The following SPAG6 variants were observed in gnomAD, a reference collection of about 807,000 sequenced individuals.
The protein encoded by SPAG6 is sperm associated antigen 6, also known as sperm-associated antigen 6.
In SPAG6, 49 loss-of-function variants were observed where a neutral mutation model predicts 58.5. The ratio of observed to expected loss-of-function variants is 0.84; its 90% CI spans 0.67 to 1.06. The LOEUF (loss-of-function observed/expected upper bound fraction) is 1.06, where lower values mean the gene tolerates loss of function less well. Among genes scored for constraint, SPAG6 ranks in the 50% least tolerant of loss-of-function variants. The pLI, the probability that SPAG6 is intolerant of heterozygous loss-of-function variation, is 0.00. For synonymous variants in SPAG6, 233 were observed against 225.6 expected (o/e 1.03, Z -0.29); for missense variants, 560 against 611.3 (o/e 0.92, Z 0.89).
At chr10:22,381,528 T>C (rs935926974) in intron 4 of SPAG6, among the ~76,000 whole-genome samples, 7 of 151,104 alleles carry the variant, frequency 4.6e-5, no homozygotes, top group Non-Finnish European at 1.5e-5. Flanking sequence ...TTTTTTTTTT[T>C]AAATGTCCTC....
Position 22,349,038 on chromosome 10 carries a change from G to A in SPAG6, c.121+3220G>A, listed in dbSNP as rs184014511. ...TTGTTTTGTTTTTTTAATAGAGAAG[G>A]GTTTTCACCATGTTTAGCCAGGCTG... On this transcript the variant is annotated intron_variant, in intron 2 of 10. Transcript: ENST00000376624. Among the ~76,000 whole-genome samples the A allele has an allele frequency of 2.6e-3, 400 of 151,992 alleles. 4 individuals carry two copies. Among genetic ancestry groups the A allele is most frequent in the African/African-American group, 9.4e-3 (389 of 41,444 alleles).
chr10:22,369,013 A>G (rs545151234), intron 4 of SPAG6, among the ~76,000 whole-genome samples: 38 of 152,282 alleles, frequency 2.5e-4, no homozygotes, highest in African/African-American at 8.7e-4. Flanking sequence ...TGGTTTTGCC[A>G]TTAATGGCAA....
chr10:22,391,636 C>A, intron 7 of SPAG6, 93 bp from the exon 8 acceptor site: 1 of 1,134,514 alleles, frequency 8.8e-7, no homozygotes, highest in Non-Finnish European at 1.3e-6. Flanking sequence ...AGGATCAAGG[C>A]CGAAGTGATT....
At chr10:22,354,527 G>A (rs537699511) in intron 2 of SPAG6, among the ~76,000 whole-genome samples, 33 of 152,272 alleles carry the variant, frequency 2.2e-4, no homozygotes, top group Admixed American at 2.2e-3. Flanking sequence ...TTGGATATGT[G>A]GAACTAACAT....
rs1472378239 is a variant in SPAG6, at chr10:22,345,572, C to G, written c.-40C>G. Reference sequence around the variant, plus strand: ...GTGGACTCGCAGGCCGAGCGGCTTCCCCGCAGAGCTCGAGGAGGGCAGACG... The same window carrying G: ...GTGGACTCGCAGGCCGAGCGGCTTCGCCGCAGAGCTCGAGGAGGGCAGACG... On this transcript the variant is annotated 5_prime_UTR_variant, in exon 1 of 11. Transcript: ENST00000376624. The surrounding 1 kb of genome is among the most constrained non-coding windows in gnomAD (Gnocchi z 6.3). The G allele has an allele frequency of 2.6e-6, 4 of 1,509,652 alleles. No homozygotes were observed. The highest frequency in any genetic ancestry group is 3.6e-6 in the Non-Finnish European group (4 of 1,126,612). The allele number at this position is 1,509,652 out of a possible 1,614,324, so 93.5% of individuals were successfully genotyped here. A position where few individuals can be genotyped will look rare whatever the true frequency, so the allele number is the denominator to read the frequency against.
chr10:22,411,196 A>G lies in SPAG6; in HGVS notation c.1460+20A>G. On this transcript the variant is annotated intron_variant, in intron 10 of 10. Coordinates refer to ENST00000376624, the MANE Select transcript of SPAG6 (RefSeq NM_012443.4). ...AGTGAGGTGGGGAAAATGGACTTTG[A>G]AACGTTCAATATTAGAATGTAGTTT... 1 of 1,591,944 alleles carries G rather than the reference A, an allele frequency of 6.3e-7. No individual in the cohort carries two copies. Among genetic ancestry groups the G allele is most frequent in the Non-Finnish European group, 8.6e-7 (1 of 1,168,806 alleles).
intron 8 of SPAG6, among the ~76,000 whole-genome samples, chr10:22,397,703 A>G (rs577572604): frequency 1.3e-5 from 2 of 152,204 alleles, no homozygotes; most frequent in African/African-American, 4.8e-5. Flanking sequence ...ATCAAGCATT[A>G]AATACATATA....
intron 10 of SPAG6, among the ~76,000 whole-genome samples, chr10:22,414,393 G>C (rs769069784): frequency 6.6e-6 from 1 of 152,098 alleles, no homozygotes; most frequent in Admixed American, 6.5e-5. Flanking sequence ...GAAGGAGTAC[G>C]CTAAGAGCTC....
In SPAG6 at chr10:22,391,668, T is replaced by A. The variant is rs1041106233; in HGVS notation, c.1006-61T>A. 6 of 1,458,814 alleles carry A rather than the reference T, an allele frequency of 4.1e-6. No individual in the cohort carries two copies. The Admixed American group carries it at 6.0e-5, about 15-fold the overall frequency. The allele number at this position is 1,458,814 out of a possible 1,614,324, so 90.4% of individuals were successfully genotyped here. On this transcript the variant is annotated intron_variant, in intron 7 of 10. Transcript: ENST00000376624. Reference sequence around the variant, plus strand: ...GATTTCTTCTCATGTTTGAGAGACATGGAAGACTCTTTAATCCTGCTCTAG... The same window carrying A: ...GATTTCTTCTCATGTTTGAGAGACAAGGAAGACTCTTTAATCCTGCTCTAG...
chr10:22,394,987 G>A (rs564352660), intron 8 of SPAG6, among the ~76,000 whole-genome samples: 1 of 152,258 alleles, frequency 6.6e-6, no homozygotes, highest in African/African-American at 2.4e-5. Flanking sequence ...TGGGATAAGA[G>A]GTGTGAGCCA....
At chr10:22,357,076 C>T (rs1836890565) in intron 2 of SPAG6, among the ~76,000 whole-genome samples, 1 of 152,048 alleles carries the variant, frequency 6.6e-6, no homozygotes, top group African/African-American at 2.4e-5. Flanking sequence ...ACTCTTTTTG[C>T]TCTTTGTTTA....
chr10:22,403,135 A>T (rs547689157), intron 9 of SPAG6, among the ~76,000 whole-genome samples: 30 of 151,532 alleles, frequency 2.0e-4, no homozygotes, highest in Non-Finnish European at 2.7e-4. Context: ...TTTTTTTTTT[A>T]AATTTATTAT....
intron 9 of SPAG6, among the ~76,000 whole-genome samples, chr10:22,402,603 T>C (rs1023300657): frequency 2.0e-5 from 3 of 152,152 alleles, no homozygotes; most frequent in Non-Finnish European, 2.9e-5. Context: ...CAGGATACAG[T>C]TCTGTGTATC....
intron 4 of SPAG6, among the ~76,000 whole-genome samples, chr10:22,373,278 T>C (rs1833743068): frequency 6.6e-6 from 1 of 152,122 alleles, no homozygotes; most frequent in Non-Finnish European, 1.5e-5. Context: ...GTAAGCAAGG[T>C]CTCAAGATGA....
chr10:22,395,993 A>G (rs910669796), intron 8 of SPAG6, among the ~76,000 whole-genome samples: 2 of 152,304 alleles, frequency 1.3e-5, no homozygotes, highest in African/African-American at 4.8e-5. Flanking sequence ...AGTTTAATTG[A>G]CTCACAGTTC....
At chr10:22,362,217 A>G (rs899064348) in intron 2 of SPAG6, among the ~76,000 whole-genome samples, 10 of 147,768 alleles carry the variant, frequency 6.8e-5, no homozygotes, top group Non-Finnish European at 1.3e-4. Flanking sequence ...ATATATGTAT[A>G]TATGTATATA....
intron 4 of SPAG6, among the ~76,000 whole-genome samples, chr10:22,371,494 C>T (rs1203427373): frequency 1.3e-5 from 2 of 152,132 alleles, no homozygotes; most frequent in Admixed American, 6.5e-5. Flanking sequence ...CCTTGTAATC[C>T]GCCCGCCTCG....
intron 6 of SPAG6, among the ~76,000 whole-genome samples, chr10:22,388,338 CAG>C: frequency 6.6e-6 from 1 of 152,234 alleles, no homozygotes; most frequent in Non-Finnish European, 1.5e-5. Context: ...GTTATATTAG[CAG>C]AGTTTGAGCT....
chr10:22,378,355 C>T (rs1010469795), intron 4 of SPAG6, among the ~76,000 whole-genome samples: 2 of 150,916 alleles, frequency 1.3e-5, no homozygotes, highest in Non-Finnish European at 2.9e-5. Context: ...TGAGCCAGTG[C>T]GTCTGGCCAT....
Sources: gnomAD v4.1 joint callset for allele counts (sites outside exome capture counted in the v4.1 genomes callset) on GRCh38, gnomAD v4.1.1 for gene constraint, Gnocchi (gnomAD v3.1) non-coding constraint, MANE v1.5 for transcripts, NCBI Gene and HGNC (gene_info 2026-07-23, HGNC 2026-07-21) for gene names.